Variants in LITAF observed in about 807,000 individuals in gnomAD.
LITAF encodes lipopolysaccharide induced TNF factor.
In LITAF, 9 loss-of-function variants were observed where a neutral mutation model predicts 14.5. The ratio of observed to expected loss-of-function variants is 0.62; its 90% confidence interval spans 0.37 to 1.08. The LOEUF (loss-of-function observed/expected upper bound fraction) is 1.08, where lower values mean the gene tolerates loss of function less well. LITAF is among the 50% of genes least tolerant of loss of function. The pLI is 0.01. For synonymous variants in LITAF, 98 were observed against 88.2 expected (o/e 1.11, Z -0.62); for missense variants, 206 against 213.4 (o/e 0.97, Z 0.22).
Position 11,553,330 on chromosome 16 carries a change from G to A in LITAF, c.377+203C>T. 2 of 588,318 alleles carry A rather than the reference G, an allele frequency of 3.4e-6. No homozygotes were observed. The highest frequency in any genetic ancestry group is 1.9e-5 in the African/African-American group (1 of 53,824). 36.4% of individuals were successfully genotyped at this position (588,318 alleles called of 1,614,324 possible). Reference sequence around the variant, plus strand: ...GGACGCTAAGGCAGGAGAATCGTTTGAACCTGAGCAGTGGGGGTTACAGTG... The same window carrying A: ...GGACGCTAAGGCAGGAGAATCGTTTAAACCTGAGCAGTGGGGGTTACAGTG... On this transcript the variant is annotated intron_variant, in intron 3 of 3. Coordinates refer to ENST00000622633, the MANE Select transcript of LITAF (RefSeq NM_001136472.2). The surrounding 1 kb of genome is among the most constrained non-coding windows in gnomAD (Gnocchi z 7.7).
chr16:11,639,880 T>G (rs1167419112), upstream of LITAF, among the ~76,000 whole-genome samples: 1 of 152,024 alleles, frequency 6.6e-6, no homozygotes, highest in Non-Finnish European at 1.5e-5. Context: ...GCTCAAGAGA[T>G]CCTACCCTCT....
intron 1 of LITAF, among the ~76,000 whole-genome samples, chr16:11,579,803 G>T (rs1019777885): frequency 1.3e-5 from 2 of 152,132 alleles, no homozygotes; most frequent in Non-Finnish European, 2.9e-5. Flanking sequence ...TACTTTCAGG[G>T]ATCCCACTTA....
chr16:11,632,265 A>G lies in LITAF; in HGVS notation c.85+1268T>C, dbSNP rs1934663533. Among the ~76,000 whole-genome samples, 1 of 152,128 alleles carries G rather than the reference A, an allele frequency of 6.6e-6. No individual in the cohort carries two copies. The highest frequency in any genetic ancestry group is 2.4e-5 in the African/African-American group (1 of 41,440). On this transcript the variant is annotated intron_variant, in intron 3 of 3. Transcript: ENST00000574848. This position sits in a 1 kb window ranked among gnomAD's most constrained non-coding sequence, Gnocchi z 4.8. Reference sequence around the variant, plus strand: ...GGAGGGGTCATTATCAAGTAACTACAGCTGCCGTGGGGAACAGGATTAGGC... The same window carrying G: ...GGAGGGGTCATTATCAAGTAACTACGGCTGCCGTGGGGAACAGGATTAGGC...
In LITAF at chr16:11,553,132, C is replaced by G. The variant is rs1325948465; in HGVS notation, c.377+401G>C. 6.8e-6 allele frequency among the ~76,000 whole-genome samples: 1 copy of G among 147,732 alleles called. No individual in the cohort carries two copies. Among genetic ancestry groups the G allele is most frequent in the Non-Finnish European group, 1.5e-5 (1 of 66,946 alleles). On this transcript the variant is annotated intron_variant, in intron 3 of 3. Transcript: ENST00000622633. The surrounding 1 kb of genome is among the most constrained non-coding windows in gnomAD (Gnocchi z 7.7). ...TCCATCACAAAAAAAGAAAGAAATG[C>G]CTTAGGCCAGGCACAGTGGCTCACA... is the stretch of plus-strand genomic sequence containing the variant.
chr16:11,604,446 A>G (rs1341934930), intron 3 of LITAF, among the ~76,000 whole-genome samples: 1 of 152,126 alleles, frequency 6.6e-6, no homozygotes, highest in African/African-American at 2.4e-5. Flanking sequence ...TTATTTGCTC[A>G]TATAGTTGGA....
At chr16:11,601,346 T>C (rs1454939950), upstream of LITAF, among the ~76,000 whole-genome samples, 1 of 149,854 alleles carries the variant, frequency 6.7e-6, no homozygotes, top group Non-Finnish European at 1.5e-5. Flanking sequence ...TTCATGGGGC[T>C]ACCACAATTA....
At chr16:11,628,849 G>C (rs2065101425) in intron 3 of LITAF, among the ~76,000 whole-genome samples, 1 of 152,102 alleles carries the variant, frequency 6.6e-6, no homozygotes, top group African/African-American at 2.4e-5. Flanking sequence ...GCTAATTTTT[G>C]TATTTTAGTA....
chr16:11,635,153 C>T (rs1417980916), intron 2 of LITAF, among the ~76,000 whole-genome samples: 3 of 152,210 alleles, frequency 2.0e-5, no homozygotes, highest in Admixed American at 6.5e-5. Context: ...TTGCAAATTC[C>T]CCTGTCATGA....
chr16:11,619,097 G>A lies in LITAF; in HGVS notation c.85+14436C>T, dbSNP rs1390224389. ...AGGCCAAGGCAGGCAGGTCACTTGA[G>A]GTCAGGAGTTCGAGACCAGCCTGGC... On this transcript the variant is annotated intron_variant, in intron 3 of 3. Coordinates refer to the LITAF transcript ENST00000574848. 2.0e-5 allele frequency among the ~76,000 whole-genome samples: 3 copies of A among 151,658 alleles called. No individual in the cohort carries two copies. The East Asian group carries it at 5.8e-4, about 29-fold the overall frequency.
rs2064658680 is a variant in LITAF, at chr16:11,577,502, G to C, written c.-6+9384C>G. 3.9e-5 allele frequency among the ~76,000 whole-genome samples: 6 copies of C among 152,022 alleles called. 1 individual carries two copies. The Middle Eastern group carries it at 0.017, about 431-fold the overall frequency. ...CCGGCTAGTTTTTGTACTTTTAGTA[G>C]AGATGAGGTTTCACCATGCTGGCCA... On this transcript the variant is annotated intron_variant, in intron 1 of 3. Transcript: ENST00000622633.
intron 1 of LITAF, among the ~76,000 whole-genome samples, chr16:11,580,847 C>T (rs2064721350): frequency 6.6e-6 from 1 of 152,174 alleles, no homozygotes; most frequent in Non-Finnish European, 1.5e-5. Context: ...TCACTGCAGC[C>T]TCGACCTCCC....
At chr16:11,571,928 C>A (rs538763443) in intron 1 of LITAF, among the ~76,000 whole-genome samples, 54 of 151,946 alleles carry the variant, frequency 3.6e-4, no homozygotes, top group African/African-American at 1.2e-3. Flanking sequence ...AAAACTCTGT[C>A]TCTTTTTTTA....
intron 3 of LITAF, among the ~76,000 whole-genome samples, chr16:11,624,571 C>T (rs2065071924): frequency 6.6e-6 from 1 of 152,232 alleles, no homozygotes; most frequent in South Asian, 2.1e-4. Context: ...TGACATCTTG[C>T]ACAGCAAGGC....
Position 11,586,172 on chromosome 16 carries a change from GC to G in LITAF, c.-6+713del, listed in dbSNP as rs1244130594. 1 of 152,372 alleles carries G rather than the reference GC, an allele frequency of 6.6e-6. No individual in the cohort carries two copies. Among genetic ancestry groups the G allele is most frequent in the Non-Finnish European group, 1.5e-5 (1 of 68,212 alleles). 9.4% of individuals were successfully genotyped at this position (152,372 alleles called of 1,614,324 possible). A position where few individuals can be genotyped will look rare whatever the true frequency, so the allele number is the denominator to read the frequency against. ...CAGCACCGGCGGTGGACGGTGAGCG[GC>G]GTCTGGGCCCAGAGCTGGGTGCCAT... On this transcript the variant is annotated intron_variant, in intron 1 of 3. Coordinates refer to ENST00000622633, the MANE Select transcript of LITAF (RefSeq NM_001136472.2). The surrounding 1 kb of genome is among the most constrained non-coding windows in gnomAD (Gnocchi z 6.5).
intron 1 of LITAF, among the ~76,000 whole-genome samples, chr16:11,564,926 G>A (rs192502817): frequency 3.5e-4 from 53 of 152,078 alleles, no homozygotes; most frequent in Non-Finnish European, 3.5e-4. Context: ...GGTTCTTTTG[G>A]GGATGATGAA....
chr16:11,592,912 T>C (rs2064856391), intron 1 of LITAF, among the ~76,000 whole-genome samples: 1 of 152,172 alleles, frequency 6.6e-6, no homozygotes, highest in Non-Finnish European at 1.5e-5. Flanking sequence ...GGCTCACGCC[T>C]GTAATCCCAG....
chr16:11,608,125 G>A (rs1282265403), intron 3 of LITAF, among the ~76,000 whole-genome samples: 2 of 152,138 alleles, frequency 1.3e-5, no homozygotes, highest in African/African-American at 4.8e-5. Flanking sequence ...TTGCCATCTC[G>A]ATCCTCCTAG....
At chr16:11,580,412 C>G (rs534865880) in intron 1 of LITAF, among the ~76,000 whole-genome samples, 1 of 152,238 alleles carries the variant, frequency 6.6e-6, no homozygotes, top group Non-Finnish European at 1.5e-5. Context: ...TGCCCACCAC[C>G]ACACCCGGCT....
Position 11,634,831 on chromosome 16 carries a change from C to G in LITAF, c.-21+994G>C, listed in dbSNP as rs2065131735. 6.6e-6 allele frequency among the ~76,000 whole-genome samples: 1 copy of G among 152,126 alleles called. No individual in the cohort carries two copies. Among genetic ancestry groups the G allele is most frequent in the African/African-American group, 2.4e-5 (1 of 41,420 alleles). On this transcript the variant is annotated intron_variant, in intron 2 of 3. Transcript: ENST00000574848. The surrounding 1 kb of genome is among the most constrained non-coding windows in gnomAD (Gnocchi z 4.1). ...GGTAGATCACTTGAGGTGAGGAGTT[C>G]AGGACCAGCCTGGCTAACCTGGTGA...
Sources: allele counts gnomAD v4.1 joint callset (sites outside exome capture counted in the v4.1 genomes callset), GRCh38; gene constraint gnomAD v4.1.1; non-coding constraint Gnocchi (gnomAD v3.1); transcripts MANE v1.5; gene names NCBI Gene and HGNC (gene_info 2026-07-23, HGNC 2026-07-21).